The following NLRC5 variants were observed in gnomAD, a reference collection of about 807,000 sequenced individuals.
NLRC5 encodes NLR family CARD domain containing 5, also known as protein NLRC5.
In NLRC5, 114 loss-of-function variants were observed where a neutral mutation model predicts 206.9. That is an observed-to-expected ratio of 0.55 (90% confidence interval 0.47 to 0.64). The LOEUF is 0.64. NLRC5 is among the 30% of genes least tolerant of loss of function. The pLI is 0.00. For synonymous variants in NLRC5, 952 were observed against 962.8 expected (o/e 0.99, Z 0.21); for missense variants, 2,008 against 2,305.5 (o/e 0.87, Z 2.64).
In NLRC5 at chr16:57,025,327, CG is replaced by C. The variant is rs756533119; in HGVS notation, c.425-35del. On this transcript the variant is annotated intron_variant, in intron 5 of 48. Coordinates refer to ENST00000688547, the MANE Select transcript of NLRC5 (RefSeq NM_001384950.1). ...GGGCAAGAAGACATGAGCAGAGGGC[CG>C]GGGGGTCCTCTCCTCATGCCATGTC... 27 of 1,509,244 alleles carry C rather than the reference CG, an allele frequency of 1.8e-5. No individual in the cohort carries two copies. The African/African-American group carries it at 1.8e-4, about 10-fold the overall frequency. The allele number at this position is 1,509,244 out of a possible 1,614,324, so 93.5% of individuals were successfully genotyped here.
At chr16:57,045,613 G>C (rs1416089226) in intron 21 of NLRC5, 121 bp downstream of exon 21, 1 of 834,634 alleles carries the variant, frequency 1.2e-6, no homozygotes, top group Non-Finnish European at 2.0e-6. Context: ...ACCCAAGTCC[G>C]GCACACTAGG....
chr16:57,077,412 G>A, intron 41 of NLRC5, 33 bp downstream of exon 41: 2 of 1,580,098 alleles, frequency 1.3e-6, no homozygotes, highest in Non-Finnish European at 1.7e-6. Flanking sequence ...GAGGGCCACA[G>A]GGGTCACACG....
At chr16:57,027,213 G>A (rs2061346166) in intron 6 of NLRC5, among the ~76,000 whole-genome samples, 195 bp downstream of exon 6, 1 of 152,186 alleles carries the variant, frequency 6.6e-6, no homozygotes, top group East Asian at 1.9e-4. Context: ...CCTCTTGTCT[G>A]TGGTTTCTGG....
At chr16:57,028,566 G>A (rs1284188138) in intron 8 of NLRC5, among the ~76,000 whole-genome samples, 181 bp downstream of exon 8, 2 of 152,170 alleles carry the variant, frequency 1.3e-5, no homozygotes, top group Non-Finnish European at 2.9e-5. Context: ...GGCTCCCAGA[G>A]TCCCCAGAGC....
intron 38 of NLRC5, among the ~76,000 whole-genome samples, chr16:57,072,394 C>T (rs574732616): frequency 3.9e-5 from 6 of 152,246 alleles, no homozygotes; most frequent in Admixed American, 1.3e-4. Context: ...CAGACCTGGG[C>T]GCATGCACAC....
chr16:57,032,784 C>T (rs1476174795), intron 11 of NLRC5, among the ~76,000 whole-genome samples: 1 of 147,430 alleles, frequency 6.8e-6, no homozygotes, highest in African/African-American at 2.5e-5. Flanking sequence ...TCGCTTGAAG[C>T]TAGGAGTTCA....
At chr16:57,080,828 C>T in intron 46 of NLRC5, 1 of 420,124 alleles carries the variant, frequency 2.4e-6, no homozygotes, top group Admixed American at 4.2e-5. Flanking sequence ...TATGATGCAT[C>T]TTAAATACAG....
intron 2 of NLRC5, among the ~76,000 whole-genome samples, chr16:57,019,955 G>A (rs150661531): frequency 1.3e-5 from 2 of 152,264 alleles, no homozygotes; most frequent in East Asian, 3.9e-4. Context: ...GTCCACAGGG[G>A]ATGAACAAGA....
chr16:57,058,937 C>G (rs1390009704), intron 28 of NLRC5, 35 bp from the exon 29 acceptor site: 1 of 1,583,696 alleles, frequency 6.3e-7, no homozygotes, highest in African/African-American at 1.3e-5. Flanking sequence ...GAGGTCCTGC[C>G]CTCACTCCCA....
intron 1 of NLRC5, among the ~76,000 whole-genome samples, chr16:56,995,273 A>G (rs560009726): frequency 4.6e-5 from 7 of 152,196 alleles, no homozygotes; most frequent in Admixed American, 1.3e-4. Context: ...AGGAGAGGCC[A>G]TAGCCTCCTA....
chr16:56,989,950 C>A (rs2056604935), intron 1 of NLRC5, among the ~76,000 whole-genome samples: 1 of 152,200 alleles, frequency 6.6e-6, no homozygotes, highest in Admixed American at 6.5e-5. Context: ...ACCGGATCCA[C>A]CCACTCTCTC....
chr16:57,059,430 C>T lies in NLRC5; in HGVS notation c.3921-37C>T, dbSNP rs1467066493. 7.6e-6 allele frequency: 12 copies of T among 1,580,116 alleles called. No homozygotes were observed. In the African/African-American group the frequency reaches 1.6e-4, roughly 21 times the overall value. On this transcript the variant is annotated intron_variant, in intron 29 of 48. Coordinates refer to ENST00000688547, the MANE Select transcript of NLRC5 (RefSeq NM_001384950.1). ...CTAGGTGCCTAGGAAGCTGGCATGTCTGGGCACCGTGCTTCCCCAGGCCCT... is the reference window on the plus strand; with the variant it reads ...CTAGGTGCCTAGGAAGCTGGCATGTTTGGGCACCGTGCTTCCCCAGGCCCT...
intron 33 of NLRC5, 152 bp from the exon 34 acceptor site, chr16:57,066,382 A>G: frequency 1.6e-6 from 1 of 642,038 alleles, no homozygotes; most frequent in Non-Finnish European, 2.8e-6. Context: ...TCACGGAAGC[A>G]CCTACTTTCC....
chr16:57,078,466 G>GTTTTTTTTTT (rs71383218), intron 43 of NLRC5, among the ~76,000 whole-genome samples: 1 of 92,188 alleles, frequency 1.1e-5, no homozygotes, highest in African/African-American at 5.0e-5. Context: ...CTGGGACCTT[G>GTTTTTTTTTT]TTTTTTTTTT....
intron 13 of NLRC5, among the ~76,000 whole-genome samples, 176 bp from the exon 14 acceptor site, chr16:57,035,924 T>C (rs751517981): frequency 6.6e-6 from 1 of 152,210 alleles, no homozygotes; most frequent in South Asian, 2.1e-4. Flanking sequence ...CCAATAGTCA[T>C]AGAAGAACCT....
chr16:57,069,750 C>A, intron 36 of NLRC5, 86 bp from the exon 37 acceptor site: 2 of 1,065,572 alleles, frequency 1.9e-6, no homozygotes, highest in Non-Finnish European at 2.8e-6. Flanking sequence ...CCCTACCCCA[C>A]ATCCTTGCCC....
At chr16:57,009,515 C>T (rs1413850282) in intron 1 of NLRC5, among the ~76,000 whole-genome samples, 1 of 151,892 alleles carries the variant, frequency 6.6e-6, no homozygotes, top group African/African-American at 2.4e-5. Context: ...ATGGCGTGAA[C>T]CTGGGAGGTG....
chr16:57,005,045 C>T (rs1387034674), intron 1 of NLRC5, among the ~76,000 whole-genome samples: 1 of 152,118 alleles, frequency 6.6e-6, no homozygotes, highest in Non-Finnish European at 1.5e-5. Flanking sequence ...TCTCAGCGCC[C>T]CCATTTGATT....
intron 20 of NLRC5, among the ~76,000 whole-genome samples, chr16:57,044,555 C>T (rs1285308098): frequency 1.3e-5 from 2 of 152,062 alleles, no homozygotes; most frequent in African/African-American, 2.4e-5. Flanking sequence ...TTAACTGCTG[C>T]GAGCTCAGAG....
Sources: allele counts gnomAD v4.1 joint callset (sites outside exome capture counted in the v4.1 genomes callset), GRCh38; gene constraint gnomAD v4.1.1; transcripts MANE v1.5; gene names NCBI Gene and HGNC (gene_info 2026-07-23, HGNC 2026-07-21).